The following VPS13A variants were observed in gnomAD, a reference collection of about 807,000 sequenced individuals.
The protein encoded by VPS13A is vacuolar protein sorting 13 homolog A.
In VPS13A, 264 loss-of-function variants were observed where a neutral mutation model predicts 390.9. The ratio of observed to expected loss-of-function variants is 0.68; its 90% CI spans 0.61 to 0.75. The LOEUF (loss-of-function observed/expected upper bound fraction) is 0.75. Ranked by LOEUF, VPS13A falls within the 30% of genes least tolerant of loss-of-function variation. The pLI is 0.00. For synonymous variants in VPS13A, 1,231 were observed against 1,227.1 expected (o/e 1.00, Z -0.07); for missense variants, 3,409 against 3,733.9 (o/e 0.91, Z 2.27).
intron 39 of VPS13A, among the ~76,000 whole-genome samples, chr9:77,317,231 T>C (rs1318054230): frequency 6.6e-6 from 1 of 151,940 alleles, no homozygotes; most frequent in Admixed American, 6.6e-5. Context: ...GAATAGAAAA[T>C]GGAGGGTATA....
chr9:77,302,955 C>A lies in VPS13A; in HGVS notation c.3853C>A (p.Leu1285Ile). Residue 1285 changes from leucine (L) to isoleucine (I), a missense_variant, in exon 34 of 72, where the codon CTA becomes ATA. Leu to Ile is a conservative substitution (Grantham distance 5, BLOSUM62 2). Around this residue, in one of 5 missense-constraint regions of VPS13A, gnomAD observed 2,717 missense variants for 2,917.4 expected, o/e 0.93. Transcript: ENST00000360280. ...TGATGCATACCAGGAAGTACTGGATCTACTCCTGCCATTAAATCTTGAGGT... is the reference window on the plus strand; with the variant it reads ...TGATGCATACCAGGAAGTACTGGATATACTCCTGCCATTAAATCTTGAGGT... ...INDAYQEVLD[L>I]LLPLNLEVVV... The A allele has an allele frequency of 1.2e-6, 2 of 1,613,864 alleles. No individual in the cohort carries two copies. Among genetic ancestry groups the A allele is most frequent in the Non-Finnish European group, 1.7e-6 (2 of 1,179,808 alleles).
intron 39 of VPS13A, 57 bp downstream of exon 39, chr9:77,316,463 C>A: frequency 6.7e-7 from 1 of 1,498,480 alleles, no homozygotes; most frequent in Non-Finnish European, 9.3e-7. Flanking sequence ...GTAGTGTATA[C>A]CATTTTAGGA....
At position 77,344,207 on chromosome 9, in the gene VPS13A, A is replaced by G. The variant is rs1831008527; in HGVS notation, c.7081A>G (p.Arg2361Gly). The change falls in exon 51 of 72, where the codon AGG (arginine) becomes GGG (glycine). Residue 2361 changes from arginine to glycine, a missense_variant. Around this residue, in one of 5 missense-constraint regions of VPS13A, gnomAD observed 2,717 missense variants for 2,917.4 expected, o/e 0.93. Transcript: ENST00000360280. The part of the protein sequence containing the change: ...ASSKLLIQVE[R>G]SEDPPKRIYF... ...TAGTAAACTTCTTATTCAAGTCGAA[A>G]GGAGTGAAGATCCTCCCAAAAGGAT... 6.2e-7 allele frequency: 1 copy of G among 1,612,722 alleles called. No individual in the cohort carries two copies. Among genetic ancestry groups the G allele is most frequent in the African/African-American group, 1.3e-5 (1 of 74,870 alleles).
chr9:77,271,217 A>T (rs1220038056), intron 23 of VPS13A, among the ~76,000 whole-genome samples: 1 of 152,176 alleles, frequency 6.6e-6, no homozygotes, highest in Non-Finnish European at 1.5e-5. Flanking sequence ...CGACTTTATT[A>T]CTCACCAGAA....
At position 77,226,577 on chromosome 9, in the gene VPS13A, C is replaced by T. The variant is rs201133575; in HGVS notation, c.1336C>T (p.Gln446Ter). Residue 446 changes from glutamine (Q) to a stop codon, truncating the protein, a stop_gained, in exon 15 of 72, where the codon CAA becomes TAA. Coordinates refer to ENST00000360280, the MANE Select transcript of VPS13A (RefSeq NM_033305.3). LOFTEE classifies it high-confidence loss of function. ...GTCAGAACAAAATACTAATGAACAG[C>T]AACCAGATGTTCAACCTGAAAGTAT... ...SWSEQNTNEQQPDVQPETLEE... is the reference protein window; with the variant it reads ...SWSEQNTNEQ 6.2e-7 allele frequency: 1 copy of T among 1,612,480 alleles called. No homozygotes were observed. Among genetic ancestry groups the T allele is most frequent in the Non-Finnish European group, 8.5e-7 (1 of 1,179,102 alleles).
At chr9:77,284,399 ATTC>A (rs932738621) in intron 31 of VPS13A, among the ~76,000 whole-genome samples, 12 of 152,216 alleles carry the variant, frequency 7.9e-5, no homozygotes, top group African/African-American at 2.9e-4. Context: ...TGTTTAAAAA[ATTC>A]TTATTTCTAA....
In VPS13A at chr9:77,213,309, T is replaced by C; in HGVS notation, c.691T>C (p.Ser231Pro). 1 of 1,612,202 alleles carries C rather than the reference T, an allele frequency of 6.2e-7. No individual in the cohort carries two copies. Among genetic ancestry groups the C allele is most frequent in the Non-Finnish European group, 8.5e-7 (1 of 1,178,538 alleles). ...QMFYLSDYDN[S>P]LDDLKNGIVN... Reference sequence around the variant, plus strand: ...GTTTTATCTTAGTGATTATGATAACTCCTTGGTAAGTAAATTTTTTCTGTA... The same window carrying C: ...GTTTTATCTTAGTGATTATGATAACCCCTTGGTAAGTAAATTTTTTCTGTA... The change falls in exon 9 of 72, where the codon TCC (serine) becomes CCC (proline). Residue 231 changes from serine to proline, a missense_variant. Physicochemically the swap from Ser to Pro is moderately conservative, Grantham distance 74 (BLOSUM62 -1). This residue lies in a region of VPS13A where 2,717 missense variants were observed against 2,917.4 expected (regional missense o/e 0.93). Transcript: ENST00000360280.
rs776488840 is a variant in VPS13A at position 77,416,036 on chromosome 9, A to T, written c.*30A>T. On this transcript the variant is annotated 3_prime_UTR_variant, in exon 72 of 72. Coordinates refer to ENST00000360280, the MANE Select transcript of VPS13A (RefSeq NM_033305.3). ...GAACACTGCCTGAAGACACACAGCA[A>T]TAAGTGATTACAGCTCCTAGACTAC... is the stretch of plus-strand genomic sequence containing the variant. The T allele has an allele frequency of 8.7e-6, 14 of 1,612,412 alleles. No individual in the cohort carries two copies. In the African/African-American group the frequency reaches 1.5e-4, roughly 17 times the overall value.
At chr9:77,302,632 C>CA (rs779079856) in intron 33 of VPS13A, among the ~76,000 whole-genome samples, 1 of 152,030 alleles carries the variant, frequency 6.6e-6, no homozygotes, top group Admixed American at 6.6e-5. Flanking sequence ...CTCAGCCTCT[C>CA]AAAAGTGCTG....
At chr9:77,193,574 C>T (rs1186333719) in intron 1 of VPS13A, among the ~76,000 whole-genome samples, 1 of 152,154 alleles carries the variant, frequency 6.6e-6, no homozygotes, top group African/African-American at 2.4e-5. Context: ...GTGGAGGTTG[C>T]AGTGAGCCGA....
At chr9:77,404,927 A>G (rs1042242205) in intron 69 of VPS13A, among the ~76,000 whole-genome samples, 3 of 152,136 alleles carry the variant, frequency 2.0e-5, no homozygotes, top group African/African-American at 4.8e-5. Flanking sequence ...AGAAGATGGA[A>G]GTGAGAGATA....
Position 77,260,286 on chromosome 9 carries a change from A to C in VPS13A, c.2427+62A>C, listed in dbSNP as rs977621922. ...AAGAAAGTCCACAAATAGTATTTCA[A>C]ACAATCACAGGAATTTTATATAAGA... On this transcript the variant is annotated intron_variant, in intron 23 of 71. Coordinates refer to ENST00000360280, the MANE Select transcript of VPS13A (RefSeq NM_033305.3). The C allele has an allele frequency of 1.9e-6, 3 of 1,557,888 alleles. No homozygotes were observed. In the East Asian group the frequency reaches 6.8e-5, roughly 35 times the overall value.
chr9:77,416,170 C>A lies in VPS13A; in HGVS notation c.*164C>A. 1 of 787,366 alleles carries A rather than the reference C, an allele frequency of 1.3e-6. No individual in the cohort carries two copies. Among genetic ancestry groups the A allele is most frequent in the East Asian group, 2.6e-5 (1 of 38,582 alleles). 48.8% of individuals were successfully genotyped at this position (787,366 alleles called of 1,614,324 possible). A position where few individuals can be genotyped will look rare whatever the true frequency, so the allele number is the denominator to read the frequency against. On this transcript the variant is annotated 3_prime_UTR_variant, in exon 72 of 72. Transcript: ENST00000360280. ...AAAAAACAAAAACAAAAAAACAAAA[C>A]CAGAATCAGGTAAAACAGCTATGTG... is the stretch of plus-strand genomic sequence containing the variant.
intron 68 of VPS13A, among the ~76,000 whole-genome samples, chr9:77,393,304 A>G (rs541347167): frequency 1.2e-4 from 18 of 152,274 alleles, no homozygotes; most frequent in African/African-American, 3.6e-4. Flanking sequence ...CATATCTGCA[A>G]TTACTTCCTC....
intron 67 of VPS13A, among the ~76,000 whole-genome samples, chr9:77,375,135 G>A (rs1587686221): frequency 2.0e-5 from 3 of 152,098 alleles, no homozygotes. Flanking sequence ...ACATATGAAG[G>A]CTTCTTTCAA....
In VPS13A at chr9:77,213,007, A is replaced by T. The variant is rs372228857; in HGVS notation, c.594A>T (p.Glu198Asp). 4 of 1,613,856 alleles carry T rather than the reference A, an allele frequency of 2.5e-6. No homozygotes were observed. The African/African-American group carries it at 5.3e-5, about 22-fold the overall frequency. Reference sequence around the variant, plus strand: ...ACTGGGTTCCATGTTTACATGATGAAACTGAGAAACTGGTTCGTAAGGTAA... The same window carrying T: ...ACTGGGTTCCATGTTTACATGATGATACTGAGAAACTGGTTCGTAAGGTAA... ...DQYWVPCLHDETEKLVRKLIR... is the reference protein window; with the variant it reads ...DQYWVPCLHDDTEKLVRKLIR... The change falls in exon 8 of 72, where the codon GAA becomes GAT. Residue 198 changes from glutamate to aspartate, a missense_variant. Around this residue, in one of 5 missense-constraint regions of VPS13A, gnomAD observed 2,717 missense variants for 2,917.4 expected, o/e 0.93. Transcript: ENST00000360280.
At chr9:77,377,748 G>A (rs1224046002) in intron 67 of VPS13A, among the ~76,000 whole-genome samples, 2 of 152,018 alleles carry the variant, frequency 1.3e-5, no homozygotes, top group African/African-American at 4.8e-5. Flanking sequence ...AGAACCTCTA[G>A]TACAATGTGA....
At chr9:77,319,769 A>T in intron 42 of VPS13A, 96 bp downstream of exon 42, 1 of 666,680 alleles carries the variant, frequency 1.5e-6, no homozygotes, top group East Asian at 3.0e-5. Flanking sequence ...AGCAAAATTG[A>T]GAAGAAGGAA....
intron 22 of VPS13A, among the ~76,000 whole-genome samples, chr9:77,252,826 G>A (rs1259845579): frequency 6.6e-6 from 1 of 152,152 alleles, no homozygotes; most frequent in Non-Finnish European, 1.5e-5. Flanking sequence ...AGAATTTCAT[G>A]TATTTTTAAG....
Sources: gnomAD v4.1 joint callset for allele counts (sites outside exome capture counted in the v4.1 genomes callset) on GRCh38, gnomAD v4.1.1 for gene constraint, gnomAD v4.1.1 regional missense constraint, MANE v1.5 for transcripts, NCBI Gene and HGNC (gene_info 2026-07-23, HGNC 2026-07-21) for gene names.